Variants in NELL2 observed in about 807,000 individuals in gnomAD.
The protein encoded by NELL2 is protein kinase C-binding protein NELL2.
Under a neutral mutation model 109.6 loss-of-function variants are expected in NELL2, and 41 were observed. The observed-to-expected ratio is 0.37, with a 90% CI of 0.29 to 0.49. NELL2 has a LOEUF of 0.49. Ranked by LOEUF, NELL2 falls within the 20% of genes least tolerant of loss-of-function variation. The pLI is 0.98. For missense variants in NELL2, 900 were observed against 1,008.3 expected, an observed-to-expected ratio of 0.89 and a Z score of 1.45; for synonymous variants, 355 against 344.7, an observed-to-expected ratio of 1.03 and a Z score of -0.33.
chr12:44,787,444 A>G (rs1378032443), intron 3 of NELL2, among the ~76,000 whole-genome samples: 1 of 152,196 alleles, frequency 6.6e-6, no homozygotes, highest in Non-Finnish European at 1.5e-5. Context: ...GAAAGGCAAA[A>G]AAATTTACAT....
At chr12:44,753,783 G>A (rs1312634626) in intron 9 of NELL2, among the ~76,000 whole-genome samples, 1 of 152,222 alleles carries the variant, frequency 6.6e-6, no homozygotes, top group Admixed American at 6.5e-5. Flanking sequence ...CTGGCTTGCA[G>A]CCAGTTTTCT....
At chr12:44,890,636 A>G (rs1945522769) in intron 1 of NELL2, among the ~76,000 whole-genome samples, 1 of 152,122 alleles carries the variant, frequency 6.6e-6, no homozygotes, top group Admixed American at 6.5e-5. Flanking sequence ...GGTCACCTCC[A>G]GTTTAAAACC....
In NELL2 at chr12:44,689,604, T is replaced by C. The variant is rs549438563; in HGVS notation, c.1318+14122A>G. On this transcript the variant is annotated intron_variant, in intron 12 of 19. Coordinates refer to ENST00000429094, the MANE Select transcript of NELL2 (RefSeq NM_001145108.2). ...CCTCAAGAGAATCAAATAGTAACAA[T>C]AGATACTTGGGGTGGCAGTCATACT... 8.5e-5 allele frequency among the ~76,000 whole-genome samples: 13 copies of C among 152,344 alleles called. No homozygotes were observed. The East Asian group carries it at 2.3e-3, about 27-fold the overall frequency.
intron 15 of NELL2, among the ~76,000 whole-genome samples, chr12:44,605,075 T>TA (rs1161459066): frequency 2.6e-5 from 4 of 152,066 alleles, no homozygotes; most frequent in African/African-American, 9.7e-5. Flanking sequence ...TAGAGGATGG[T>TA]AACTGGTGAG....
At chr12:44,556,328 T>G (rs1943254196) in intron 15 of NELL2, among the ~76,000 whole-genome samples, 1 of 152,156 alleles carries the variant, frequency 6.6e-6, no homozygotes, top group Admixed American at 6.5e-5. Context: ...ATTTGAAATC[T>G]TAAGTGGGAA....
At chr12:44,608,154 G>A (rs893649476) in intron 14 of NELL2, among the ~76,000 whole-genome samples, 6 of 152,168 alleles carry the variant, frequency 3.9e-5, no homozygotes, top group Admixed American at 3.3e-4. Flanking sequence ...TGCTTCCTCA[G>A]CCTGACAAAG....
At chr12:44,601,610 G>A (rs767307810) in intron 15 of NELL2, among the ~76,000 whole-genome samples, 10 of 152,010 alleles carry the variant, frequency 6.6e-5, no homozygotes, top group Non-Finnish European at 1.2e-4. Flanking sequence ...CTAACTCAAG[G>A]ATGTCAAAGA....
At chr12:44,683,182 T>C (rs1948588760) in intron 12 of NELL2, among the ~76,000 whole-genome samples, 1 of 152,184 alleles carries the variant, frequency 6.6e-6, no homozygotes, top group Admixed American at 6.5e-5. Context: ...TTTGAAGCAA[T>C]TGTGAACGGG....
At chr12:44,829,788 C>A (rs895518283) in intron 2 of NELL2, among the ~76,000 whole-genome samples, 2 of 151,892 alleles carry the variant, frequency 1.3e-5, no homozygotes, top group African/African-American at 4.8e-5. Context: ...ATAGATAGTA[C>A]CTGGTTATTT....
upstream of NELL2, among the ~76,000 whole-genome samples, chr12:44,878,957 T>A (rs1195340098): frequency 6.6e-6 from 1 of 152,194 alleles, no homozygotes; most frequent in African/African-American, 2.4e-5. Context: ...GCAGATGGAA[T>A]TAAGATTGTT....
intron 1 of NELL2, among the ~76,000 whole-genome samples, chr12:44,893,974 A>C (rs1407953850): frequency 6.6e-6 from 1 of 152,186 alleles, no homozygotes; most frequent in Non-Finnish European, 1.5e-5. Context: ...AATAAACGAA[A>C]AAGACATACA....
rs534888594 is a variant in NELL2, at chr12:44,562,286, T to C, written c.1664-29565A>G. On this transcript the variant is annotated intron_variant, in intron 15 of 19. Transcript: ENST00000429094. ...GATTTCATGACTAAAACACCAAAAG[T>C]AATGGCAACAAAAGCCAAAATTGAC... Among the ~76,000 whole-genome samples, 283 of 152,090 alleles carry C rather than the reference T, an allele frequency of 1.9e-3. 3 individuals are homozygous for C. Among genetic ancestry groups the C allele is most frequent in the African/African-American group, 5.6e-3 (234 of 41,498 alleles).
rs1356701445 is a variant in NELL2, at chr12:44,875,345, G to A, written c.64C>T (p.Leu22Phe). Residue 22 changes from leucine to phenylalanine, a missense_variant, in exon 2 of 20, where the codon CTT becomes TTT. By Grantham distance (22) the Leu-to-Phe change is conservative. Coordinates refer to ENST00000429094, the MANE Select transcript of NELL2 (RefSeq NM_001145108.2). ...LIFGLGAVWGLGVDPSLQIDV... is the reference protein window; with the variant it reads ...LIFGLGAVWGFGVDPSLQIDV... ...ATCTGTAGGGAAGGGTCCACACCAA[G>A]CCCCCAAACTGGTGAGGGGTATGAG... The A allele has an allele frequency of 3.7e-6, 6 of 1,614,068 alleles. No individual in the cohort carries two copies. Among genetic ancestry groups the A allele is most frequent in the Non-Finnish European group, 5.1e-6 (6 of 1,180,018 alleles).
In NELL2 at chr12:44,581,777, C is replaced by T. The variant is rs368089889; in HGVS notation, c.1663+25392G>A. Among the ~76,000 whole-genome samples, 9 of 152,224 alleles carry T rather than the reference C, an allele frequency of 5.9e-5. No individual in the cohort carries two copies. In the South Asian group the frequency reaches 1.7e-3, roughly 28 times the overall value. On this transcript the variant is annotated intron_variant, in intron 15 of 19. Coordinates refer to ENST00000429094, the MANE Select transcript of NELL2 (RefSeq NM_001145108.2). ...TTGAAAGCTATTACTGAACTATGAT[C>T]TTAACTTGAATATAGAGATCTTAAA...
At chr12:44,876,643 A>C (rs548344040), upstream of NELL2, 851 of 1,551,278 alleles carry the variant, frequency 5.5e-4, no homozygotes, top group Non-Finnish European at 7.0e-4. Flanking sequence ...AAGACAGGAG[A>C]GAAAAAAGAC....
intron 9 of NELL2, among the ~76,000 whole-genome samples, chr12:44,745,115 GGGCTTCATCCCTGGGATGCAA>G (rs2136510584): frequency 6.6e-6 from 1 of 152,232 alleles, no homozygotes; most frequent in African/African-American, 2.4e-5. Context: ...ATAATCGAGT[GGGCTTCATCCCTGGGATGCAA>G]GGCTGGTTCA....
At chr12:44,671,198 C>T (rs1948127953) in intron 12 of NELL2, among the ~76,000 whole-genome samples, 2 of 151,990 alleles carry the variant, frequency 1.3e-5, no homozygotes, top group African/African-American at 4.8e-5. Context: ...AACCACTGGG[C>T]CAATATAGAA....
intron 1 of NELL2, among the ~76,000 whole-genome samples, chr12:44,921,167 A>T (rs1268689280): frequency 6.6e-6 from 1 of 152,132 alleles, no homozygotes; most frequent in Non-Finnish European, 1.5e-5. Flanking sequence ...TCTATTTGGG[A>T]TTCTATTTTT....
chr12:44,516,973 C>A (rs1203676621), intron 19 of NELL2, among the ~76,000 whole-genome samples: 1 of 148,644 alleles, frequency 6.7e-6, no homozygotes, highest in East Asian at 2.0e-4. Flanking sequence ...TATTTTATCA[C>A]TGATAAATTT....
Sources: allele counts gnomAD v4.1 joint callset (sites outside exome capture counted in the v4.1 genomes callset), GRCh38; gene constraint gnomAD v4.1.1; transcripts MANE v1.5; gene names NCBI Gene and HGNC (gene_info 2026-07-23, HGNC 2026-07-21).